DSTN: variants seen among roughly 807,000 people sequenced by gnomAD.
The protein encoded by DSTN is destrin.
Under a neutral mutation model 16.8 loss-of-function variants are expected in DSTN, and 10 were observed. The observed-to-expected ratio is 0.60, with a 90% CI of 0.37 to 1.01. DSTN has a LOEUF of 1.01. Ranked by LOEUF, DSTN falls within the 50% of genes least tolerant of loss-of-function variation. The pLI is 0.01. For synonymous variants in DSTN, 57 were observed against 58.9 expected, an observed-to-expected ratio of 0.97 and a Z score of 0.14; for missense variants, 141 against 196.7, an observed-to-expected ratio of 0.72 and a Z score of 1.69.
chr20:17,602,184 A>G (rs900223995), intron 2 of DSTN, among the ~76,000 whole-genome samples: 1 of 152,230 alleles, frequency 6.6e-6, no homozygotes, highest in African/African-American at 2.4e-5. Flanking sequence ...GAATGCAAAT[A>G]TGAGGTCAGG....
At chr20:17,583,622 C>A (rs2035370469) in intron 1 of DSTN, among the ~76,000 whole-genome samples, 1 of 111,134 alleles carries the variant, frequency 9.0e-6, no homozygotes. Context: ...TCCATTTATA[C>A]AAAATGTCCA....
chr20:17,577,318 AG>A (rs2035290184), intron 1 of DSTN, among the ~76,000 whole-genome samples: 2 of 152,238 alleles, frequency 1.3e-5, no homozygotes, highest in Admixed American at 6.5e-5. Context: ...CTTTGAAGTC[AG>A]TTGTTGAAGC....
chr20:17,601,519 T>G (rs1326627770), intron 2 of DSTN, among the ~76,000 whole-genome samples: 1 of 152,218 alleles, frequency 6.6e-6, no homozygotes, highest in Non-Finnish European at 1.5e-5. Flanking sequence ...TTGCACTGTT[T>G]AGTAGTGTAG....
intron 1 of DSTN, among the ~76,000 whole-genome samples, chr20:17,587,279 T>G (rs2035420951): frequency 6.6e-6 from 1 of 152,146 alleles, no homozygotes; most frequent in South Asian, 2.1e-4. Context: ...TCCTTATTAT[T>G]TTTTTGAGAC....
chr20:17,576,524 T>G (rs1251908801), intron 1 of DSTN: 1 of 153,516 alleles, frequency 6.5e-6, no homozygotes, highest in East Asian at 1.9e-4. Context: ...GTAGATTTTT[T>G]AAAAGCAATT....
chr20:17,599,996 A>C (rs973926778), intron 1 of DSTN, among the ~76,000 whole-genome samples: 1 of 152,246 alleles, frequency 6.6e-6, no homozygotes, highest in African/African-American at 2.4e-5. Flanking sequence ...CAAGATGAAA[A>C]AATTAAAAAC....
At chr20:17,589,374 C>A (rs2035446155) in intron 1 of DSTN, among the ~76,000 whole-genome samples, 1 of 152,118 alleles carries the variant, frequency 6.6e-6, no homozygotes, top group Non-Finnish European at 1.5e-5. Flanking sequence ...CCATGCCTGG[C>A]TAATTTTTGT....
At chr20:17,576,554 A>G (rs1023664923) in intron 1 of DSTN, 12 of 152,546 alleles carry the variant, frequency 7.9e-5, no homozygotes, top group African/African-American at 2.9e-4. Context: ...AAAAAATGCA[A>G]TTAAAGTTTT....
chr20:17,586,780 A>G (rs2122181251), intron 1 of DSTN, among the ~76,000 whole-genome samples: 1 of 152,316 alleles, frequency 6.6e-6, no homozygotes, highest in African/African-American at 2.4e-5. Context: ...GTCTTTGCTT[A>G]GTGCATGGAA....
intron 3 of DSTN, 146 bp from the exon 4 acceptor site, chr20:17,606,891 T>A: frequency 1.6e-6 from 1 of 636,386 alleles, no homozygotes; most frequent in South Asian, 2.2e-5. Context: ...TACAATTATT[T>A]TTTCTCGTTA....
intron 1 of DSTN, among the ~76,000 whole-genome samples, chr20:17,579,417 A>G (rs1315395973): frequency 6.6e-6 from 1 of 151,310 alleles, no homozygotes; most frequent in Non-Finnish European, 1.5e-5. Flanking sequence ...TCTACATAAA[A>G]TACCAAAAAA....
intron 1 of DSTN, among the ~76,000 whole-genome samples, chr20:17,587,791 A>G (rs971332977): frequency 6.6e-6 from 1 of 152,234 alleles, no homozygotes; most frequent in Non-Finnish European, 1.5e-5. Context: ...AATATGGTCA[A>G]TAAATTTGTT....
chr20:17,587,271 CTTA>C (rs2035420854), intron 1 of DSTN, among the ~76,000 whole-genome samples: 3 of 151,086 alleles, frequency 2.0e-5, no homozygotes, highest in Non-Finnish European at 4.4e-5. Flanking sequence ...AAGTCAAGTC[CTTA>C]TTATTTTTTT....
intron 1 of DSTN, among the ~76,000 whole-genome samples, chr20:17,574,641 G>A (rs1432954949): frequency 7.0e-6 from 1 of 143,594 alleles, no homozygotes; most frequent in Non-Finnish European, 1.5e-5. Context: ...CAGGAGAATC[G>A]CTTAAACCCA....
At chr20:17,605,861 G>A (rs2035636770) in intron 3 of DSTN, among the ~76,000 whole-genome samples, 1 of 152,130 alleles carries the variant, frequency 6.6e-6, no homozygotes, top group African/African-American at 2.4e-5. Flanking sequence ...CCAGCACTTT[G>A]GGAGGCTAAG....
chr20:17,607,082 G>A lies in DSTN; in HGVS notation c.434G>A (p.Arg145Gln), dbSNP rs572400007. 1.2e-6 allele frequency: 2 copies of A among 1,613,544 alleles called. No individual in the cohort carries two copies. Among genetic ancestry groups the A allele is most frequent in the South Asian group, 2.2e-5 (2 of 91,038 alleles). The change falls in exon 4 of 4, where the codon CGG becomes CAG. Residue 145 changes from arginine (R) to glutamine (Q), a missense_variant. Transcript: ENST00000246069. Reference sequence around the variant, plus strand: ...GCAAATGGACCAGAAGATCTCAATCGGGCTTGTATTGCTGAAAAGTTAGGT... The same window carrying A: ...GCAAATGGACCAGAAGATCTCAATCAGGCTTGTATTGCTGAAAAGTTAGGT... ...CQANGPEDLN[R>Q]ACIAEKLGGS...
chr20:17,579,113 T>C (rs988795713), intron 1 of DSTN, among the ~76,000 whole-genome samples: 4 of 152,238 alleles, frequency 2.6e-5, no homozygotes, highest in African/African-American at 9.6e-5. Context: ...GTGCTCAGTG[T>C]CTGGCTGCTG....
chr20:17,583,602 A>G (rs2035370093), intron 1 of DSTN, among the ~76,000 whole-genome samples: 1 of 125,182 alleles, frequency 8.0e-6, no homozygotes, highest in Non-Finnish European at 1.6e-5. Flanking sequence ...AAGATGACAT[A>G]TTGTGTGATT....
At chr20:17,584,149 C>T (rs892105476) in intron 1 of DSTN, among the ~76,000 whole-genome samples, 7 of 152,060 alleles carry the variant, frequency 4.6e-5, no homozygotes, top group Admixed American at 2.6e-4. Flanking sequence ...ACACTTTAAA[C>T]GGGTAAATTT....
Sources: allele counts gnomAD v4.1 joint callset (sites outside exome capture counted in the v4.1 genomes callset), GRCh38; gene constraint gnomAD v4.1.1; transcripts MANE v1.5; gene names NCBI Gene and HGNC (gene_info 2026-07-23, HGNC 2026-07-21).